The following CACNA1B variants were observed in gnomAD, a reference collection of about 807,000 sequenced individuals.
The protein encoded by CACNA1B is calcium voltage-gated channel subunit alpha1 B.
Under a neutral mutation model 247.2 loss-of-function variants are expected in CACNA1B, and 70 were observed. The ratio of observed to expected loss-of-function variants is 0.28; its 90% confidence interval spans 0.23 to 0.35. The LOEUF (loss-of-function observed/expected upper bound fraction) is 0.35. Ranked by LOEUF, CACNA1B falls within the 10% of genes least tolerant of loss-of-function variation. CACNA1B has a pLI of 1.00. For synonymous variants in CACNA1B, 1,231 were observed against 1,294.4 expected (o/e 0.95, Z 1.05); for missense variants, 2,367 against 3,197.4 (o/e 0.74, Z 6.26).
chr9:138,056,978 C>T (rs1431758134), intron 26 of CACNA1B, among the ~76,000 whole-genome samples: 2 of 141,804 alleles, frequency 1.4e-5, no homozygotes, highest in African/African-American at 5.3e-5. Context: ...CTCTGTTGCC[C>T]AGGCTGGAGT....
At position 137,958,012 on chromosome 9, in the gene CACNA1B, A is replaced by G. The variant is rs1957970153; in HGVS notation, c.1333+325A>G. Among the ~76,000 whole-genome samples, 3 of 152,330 alleles carry G rather than the reference A, an allele frequency of 2.0e-5. 1 individual carries two copies. The South Asian group carries it at 6.2e-4, about 32-fold the overall frequency. On this transcript the variant is annotated intron_variant, in intron 10 of 46. Transcript: ENST00000371372. ...GTACAAGGAACATTCTGGTTAATTT[A>G]TCCAACAGAGCTGTGTCGGTTCCCT...
intron 3 of CACNA1B, among the ~76,000 whole-genome samples, chr9:137,912,052 A>T (rs754252393): frequency 7.9e-5 from 12 of 152,220 alleles, no homozygotes; most frequent in African/African-American, 1.4e-4. Context: ...CATCTTTTAT[A>T]CTTGTGTTAA....
chr9:137,909,590 G>A (rs763180186), intron 3 of CACNA1B, among the ~76,000 whole-genome samples: 2 of 151,996 alleles, frequency 1.3e-5, no homozygotes, highest in African/African-American at 4.8e-5. Flanking sequence ...CACATTGTGC[G>A]CACACATTCA....
At chr9:138,085,909 A>G (rs1209211953) in intron 36 of CACNA1B, among the ~76,000 whole-genome samples, 1 of 151,366 alleles carries the variant, frequency 6.6e-6, no homozygotes, top group Non-Finnish European at 1.5e-5. Context: ...GGAGTCCTAC[A>G]TCTGGAAGCA....
At chr9:138,105,898 A>C in intron 39 of CACNA1B, 91 bp downstream of exon 39, 1 of 740,956 alleles carries the variant, frequency 1.3e-6, no homozygotes, top group Admixed American at 2.1e-5. Flanking sequence ...CGCAGGGAGG[A>C]GGGTGAGGGG....
At chr9:137,996,833 A>G (rs570820680) in intron 15 of CACNA1B, among the ~76,000 whole-genome samples, 12 of 152,316 alleles carry the variant, frequency 7.9e-5, no homozygotes, top group Admixed American at 6.5e-4. Context: ...TAGCCTTGAT[A>G]ATGAAAAAAA....
At chr9:137,926,039 C>T (rs1957546721) in intron 6 of CACNA1B, among the ~76,000 whole-genome samples, 1 of 148,574 alleles carries the variant, frequency 6.7e-6, no homozygotes, top group Non-Finnish European at 1.5e-5. Flanking sequence ...CAGGCGTGAG[C>T]CACTGTACCT....
intron 21 of CACNA1B, among the ~76,000 whole-genome samples, chr9:138,045,725 T>C (rs1002102893): frequency 3.9e-5 from 6 of 152,042 alleles, no homozygotes; most frequent in Admixed American, 3.9e-4. Flanking sequence ...GGATGACGGC[T>C]GAATTAGAAG....
At chr9:138,114,639 G>A (rs1452863197) in intron 41 of CACNA1B, 149 bp downstream of exon 41, 3 of 606,316 alleles carry the variant, frequency 4.9e-6, no homozygotes, top group African/African-American at 3.7e-5. Flanking sequence ...CTACCTCTCT[G>A]GCCCCCAGAG....
intron 26 of CACNA1B, among the ~76,000 whole-genome samples, chr9:138,056,895 G>A (rs939368424): frequency 1.3e-5 from 2 of 151,192 alleles, no homozygotes; most frequent in African/African-American, 4.9e-5. Context: ...TTCTTTGGAG[G>A]AGTGTCTATT....
At chr9:137,939,868 G>C (rs184560003) in intron 6 of CACNA1B, among the ~76,000 whole-genome samples, 1 of 150,840 alleles carries the variant, frequency 6.6e-6, no homozygotes, top group African/African-American at 2.4e-5. Context: ...AAAATTCTTC[G>C]AACTGAATGA....
At chr9:137,946,251 C>T (rs1277276589) in intron 6 of CACNA1B, among the ~76,000 whole-genome samples, 6 of 152,238 alleles carry the variant, frequency 3.9e-5, no homozygotes, top group Admixed American at 3.9e-4. Context: ...AAGTGGGTTT[C>T]TTTTGTCCTT....
intron 31 of CACNA1B, among the ~76,000 whole-genome samples, chr9:138,065,802 C>G (rs1959894057): frequency 6.6e-6 from 1 of 152,224 alleles, no homozygotes; most frequent in Non-Finnish European, 1.5e-5. Flanking sequence ...TTCCTGACAG[C>G]CTGTGGATGC....
At chr9:138,049,961 C>G (rs1959223561) in intron 24 of CACNA1B, 1 of 638,838 alleles carries the variant, frequency 1.6e-6, no homozygotes, top group Non-Finnish European at 2.5e-6. Flanking sequence ...CAAGGAAGAC[C>G]CCTAGTGGAC....
rs1378445380 is a variant in CACNA1B at position 137,971,563 on chromosome 9, A to G, written c.1514A>G (p.Asn505Ser). The G allele has an allele frequency of 6.2e-7, 1 of 1,613,468 alleles. No individual in the cohort carries two copies. The highest frequency in any genetic ancestry group is 8.5e-7 in the Non-Finnish European group (1 of 1,179,674). ...NTLCVAMVHY[N>S]QPRRLTTTLY... Reference sequence around the variant, plus strand: ...CTGTGTGTGGCCATGGTGCATTACAACCAGCCGCGGCGGCTTACCACGACC... The same window carrying G: ...CTGTGTGTGGCCATGGTGCATTACAGCCAGCCGCGGCGGCTTACCACGACC... The change falls in exon 11 of 47, where the codon AAC becomes AGC. Residue 505 changes from asparagine to serine, a missense_variant. Asn to Ser is a conservative substitution (Grantham distance 46). Transcript: ENST00000371372. This position sits in a 1 kb window ranked among gnomAD's most constrained non-coding sequence, Gnocchi z 4.4.
rs1960204571 is a variant in CACNA1B, at chr9:138,073,516, G to A, written c.4703G>A (p.Arg1568His). The A allele has an allele frequency of 1.2e-6, 2 of 1,612,480 alleles. No homozygotes were observed. Among genetic ancestry groups the A allele is most frequent in the Non-Finnish European group, 1.7e-6 (2 of 1,178,596 alleles). The stretch of plus-strand genomic sequence containing the variant: ...AATTTCATCAACCTCAGCTTCCTCC[G>A]CCTCTTTCGAGCTGCGCGGCTGATC... ...TNNFINLSFL[R>H]LFRAARLIKL... Residue 1568 changes from arginine (R) to histidine (H), a missense_variant, in exon 33 of 47, where the codon CGC becomes CAC. Arg to His is a conservative substitution (Grantham distance 29, BLOSUM62 0). Transcript: ENST00000371372. The surrounding 1 kb of genome is among the most constrained non-coding windows in gnomAD (Gnocchi z 6.4).
At chr9:138,106,220 GC>G (rs1961419818) in intron 39 of CACNA1B, among the ~76,000 whole-genome samples, 1 of 152,234 alleles carries the variant, frequency 6.6e-6, no homozygotes, top group East Asian at 1.9e-4. Flanking sequence ...GTACCACAGA[GC>G]GATGCCAAAG....
intron 10 of CACNA1B, among the ~76,000 whole-genome samples, chr9:137,969,241 C>T (rs1309100075): frequency 2.0e-5 from 3 of 152,216 alleles, no homozygotes; most frequent in Non-Finnish European, 2.9e-5. Context: ...CTGGCTCTGG[C>T]GCCTCTGGCT....
At position 138,020,964 on chromosome 9, in the gene CACNA1B, A is replaced by T. The variant is rs1180872709; in HGVS notation, c.2268-2047A>T. 1.3e-5 allele frequency among the ~76,000 whole-genome samples: 2 copies of T among 152,154 alleles called. No homozygotes were observed. The highest frequency in any genetic ancestry group is 4.8e-5 in the African/African-American group (2 of 41,448). On this transcript the variant is annotated intron_variant, in intron 18 of 46. Transcript: ENST00000371372. The surrounding 1 kb of genome is among the most constrained non-coding windows in gnomAD (Gnocchi z 4.1). ...GCTGGTCCCCAAGATTCACGGCTTC[A>T]TCAGAGCGGGCCACCCTGCTGACCA...
Sources: gnomAD v4.1 joint callset for allele counts (sites outside exome capture counted in the v4.1 genomes callset) on GRCh38, gnomAD v4.1.1 for gene constraint, Gnocchi (gnomAD v3.1) non-coding constraint, MANE v1.5 for transcripts, NCBI Gene and HGNC (gene_info 2026-07-23, HGNC 2026-07-21) for gene names.